The following SHISA9 variants were observed in gnomAD, a reference collection of about 807,000 sequenced individuals.
The protein encoded by SHISA9 is shisa family member 9.
Under a neutral mutation model 38.0 loss-of-function variants are expected in SHISA9, and 13 were observed. That is an observed-to-expected ratio of 0.34 (90% CI 0.22 to 0.54). The LOEUF is 0.54. Among genes scored for constraint, SHISA9 ranks in the 20% least tolerant of loss-of-function variants. The probability of loss-of-function intolerance (pLI) is 0.91; values close to 1 mark genes in which losing one functional copy is unlikely to be tolerated. For synonymous variants in SHISA9, 275 were observed against 242.0 expected, an observed-to-expected ratio of 1.14 and a Z score of -1.27; for missense variants, 538 against 575.8, an observed-to-expected ratio of 0.93 and a Z score of 0.67.
At chr16:13,188,507 T>C (rs577338900) in intron 2 of SHISA9, among the ~76,000 whole-genome samples, 1 of 151,976 alleles carries the variant, frequency 6.6e-6, no homozygotes, top group Admixed American at 6.5e-5. Flanking sequence ...GGCTTGAGCC[T>C]AGGAGTTCGA....
chr16:12,917,246 A>C (rs1357975457), intron 2 of SHISA9, among the ~76,000 whole-genome samples: 1 of 152,214 alleles, frequency 6.6e-6, no homozygotes, highest in Non-Finnish European at 1.5e-5. Context: ...TGTGACTTCT[A>C]GGTTTCATGC....
chr16:13,295,376 C>T, the SHISA9 span, among the ~76,000 whole-genome samples: 1 of 152,196 alleles, frequency 6.6e-6, no homozygotes, highest in Admixed American at 6.5e-5. Flanking sequence ...GGCTCCAGGC[C>T]TCCTACCCTT....
At chr16:12,983,049 A>T (rs1488342712) in intron 2 of SHISA9, among the ~76,000 whole-genome samples, 1 of 152,198 alleles carries the variant, frequency 6.6e-6, no homozygotes, top group Non-Finnish European at 1.5e-5. Flanking sequence ...GTAACTGTTG[A>T]TAAGGGTAGG....
At chr16:13,126,705 G>A (rs1458452476) in intron 2 of SHISA9, among the ~76,000 whole-genome samples, 1 of 149,798 alleles carries the variant, frequency 6.7e-6, no homozygotes, top group East Asian at 2.0e-4. Flanking sequence ...GAAAGTGGGA[G>A]GGAGAGAGAG....
chr16:13,272,091 AAGAG>A, the SHISA9 span, among the ~76,000 whole-genome samples: 22 of 81,180 alleles, frequency 2.7e-4, no homozygotes, highest in East Asian at 4.6e-4. Flanking sequence ...AAAAAAAAAA[AAGAG>A]AGAGAGAAAA....
chr16:13,461,623 A>ATT, the SHISA9 span, among the ~76,000 whole-genome samples: 3,224 of 106,880 alleles, frequency 0.03, 112 homozygotes, highest in East Asian at 0.078. Flanking sequence ...TTTTTTTTTA[A>ATT]TTTTTTTTTT....
chr16:13,291,062 A>G, the SHISA9 span, among the ~76,000 whole-genome samples: 1 of 152,112 alleles, frequency 6.6e-6, no homozygotes, highest in Non-Finnish European at 1.5e-5. Flanking sequence ...TCTGGCACCA[A>G]CTTGCTATAG....
chr16:13,405,317 A>G, the SHISA9 span, among the ~76,000 whole-genome samples: 1,548 of 152,300 alleles, frequency 0.01, 34 homozygotes, highest in African/African-American at 0.036. Context: ...ACAGGGTAGG[A>G]GGCAGCCTTG....
chr16:13,203,611 G>T, intron 3 of SHISA9, 62 bp downstream of exon 3: 2 of 1,379,002 alleles, frequency 1.5e-6, no homozygotes, highest in Non-Finnish European at 1.9e-6. Context: ...GCTGCTTCTT[G>T]TAGATCTCTT....
chr16:13,018,278 C>T (rs761315398), intron 2 of SHISA9, among the ~76,000 whole-genome samples: 2 of 152,202 alleles, frequency 1.3e-5, no homozygotes, highest in Non-Finnish European at 2.9e-5. Context: ...AAGGCCTGAT[C>T]CCAAATCTAG....
the SHISA9 span, among the ~76,000 whole-genome samples, chr16:13,560,391 T>C: frequency 2.6e-5 from 4 of 152,160 alleles, no homozygotes; most frequent in Admixed American, 1.3e-4. Flanking sequence ...CATGGTCTAA[T>C]CATGGAGCTA....
chr16:13,402,779 C>G, the SHISA9 span, among the ~76,000 whole-genome samples: 1 of 152,174 alleles, frequency 6.6e-6, no homozygotes, highest in African/African-American at 2.4e-5. Flanking sequence ...TTGGCACAGT[C>G]AAGTTGACGT....
chr16:13,264,597 T>G, the SHISA9 span, among the ~76,000 whole-genome samples: 1 of 152,184 alleles, frequency 6.6e-6, no homozygotes, highest in Non-Finnish European at 1.5e-5. Flanking sequence ...TTGCTAGTAG[T>G]TCTCCTATTC....
the SHISA9 span, among the ~76,000 whole-genome samples, chr16:13,408,606 T>G: frequency 6.6e-6 from 1 of 152,202 alleles, no homozygotes; most frequent in Admixed American, 6.5e-5. Context: ...CTGTATAAAT[T>G]TTTATGATTG....
chr16:13,206,957 G>A (rs2051070928), intron 3 of SHISA9, among the ~76,000 whole-genome samples: 1 of 152,228 alleles, frequency 6.6e-6, no homozygotes, highest in Non-Finnish European at 1.5e-5. Context: ...ATGCTATTTG[G>A]TGGCCCACTT....
At chr16:13,211,125 C>T (rs1024256845) in intron 3 of SHISA9, among the ~76,000 whole-genome samples, 2 of 151,994 alleles carry the variant, frequency 1.3e-5, no homozygotes, top group Non-Finnish European at 2.9e-5. Flanking sequence ...GGTGAAACCC[C>T]ATCTCTACTA....
intron 2 of SHISA9, among the ~76,000 whole-genome samples, chr16:13,133,220 A>T (rs868648729): frequency 1.1e-4 from 16 of 152,162 alleles, no homozygotes; most frequent in African/African-American, 3.4e-4. Context: ...ATTTCTACCA[A>T]GTATAAAGGG....
chr16:12,994,406 A>G (rs116807313), intron 2 of SHISA9, among the ~76,000 whole-genome samples: 3 of 152,322 alleles, frequency 2.0e-5, no homozygotes, highest in South Asian at 2.1e-4. Context: ...GCTTAGCCCC[A>G]TGACGTGATT....
At chr16:13,017,102 C>A (rs575990196) in intron 2 of SHISA9, among the ~76,000 whole-genome samples, 1 of 151,792 alleles carries the variant, frequency 6.6e-6, no homozygotes, top group Non-Finnish European at 1.5e-5. Context: ...TCACTGCAAC[C>A]TCCGTCTCCT....
Sources: gnomAD v4.1 joint callset for allele counts (sites outside exome capture counted in the v4.1 genomes callset) on GRCh38, gnomAD v4.1.1 for gene constraint, MANE v1.5 for transcripts, NCBI Gene and HGNC (gene_info 2026-07-23, HGNC 2026-07-21) for gene names.